Variants in NUDCD1 observed in about 807,000 individuals in gnomAD.
NUDCD1 encodes the protein NudC domain containing 1, also known as nudC domain-containing protein 1.
NUDCD1 carries 60 observed loss-of-function variants against 67.8 expected under a neutral mutation model. The ratio of observed to expected loss-of-function variants is 0.88; its 90% CI spans 0.72 to 1.10. NUDCD1 has a LOEUF of 1.10. Ranked by LOEUF, NUDCD1 falls within the 50% of genes least tolerant of loss-of-function variation. NUDCD1 has a pLI of 0.00. For synonymous variants in NUDCD1, 244 were observed against 230.8 expected, an observed-to-expected ratio of 1.06 and a Z score of -0.52; for missense variants, 643 against 695.0, an observed-to-expected ratio of 0.93 and a Z score of 0.84.
chr8:109,289,953 GAACAA>G lies in NUDCD1; in HGVS notation c.641-25_641-21del. The G allele has an allele frequency of 8.7e-7, 1 of 1,143,872 alleles. No individual in the cohort carries two copies. Among genetic ancestry groups the G allele is most frequent in the Non-Finnish European group, 1.2e-6 (1 of 817,298 alleles). 70.9% of individuals were successfully genotyped at this position (1,143,872 alleles called of 1,614,324 possible). Reference sequence around the variant, plus strand: ...TATTATCTGTAAGAAAAGTATTTCAGAACAAAACATTACAAATAAAAACTATTATC... The same window carrying G: ...TATTATCTGTAAGAAAAGTATTTCAGAACATTACAAATAAAAACTATTATC... On this transcript the variant is annotated intron_variant, in intron 4 of 9. Transcript: ENST00000239690.
chr8:109,246,410 T>C (rs974415933), intron 8 of NUDCD1, among the ~76,000 whole-genome samples: 1 of 152,214 alleles, frequency 6.6e-6, no homozygotes, highest in Admixed American at 6.5e-5. Flanking sequence ...TAACTTGTTC[T>C]AGGCTAAAGA....
At chr8:109,298,868 C>T (rs1256058802) in intron 2 of NUDCD1, 3 of 152,184 alleles carry the variant, frequency 2.0e-5, no homozygotes, top group East Asian at 1.9e-4. Context: ...GCCGAGAGAA[C>T]CCGCAGACCC....
chr8:109,272,757 G>T (rs1814186110), intron 7 of NUDCD1, among the ~76,000 whole-genome samples: 2 of 152,116 alleles, frequency 1.3e-5, no homozygotes, highest in South Asian at 4.1e-4. Context: ...TACTCAACAT[G>T]TGTCCATGTC....
intron 5 of NUDCD1, among the ~76,000 whole-genome samples, chr8:109,281,427 C>A (rs771172529): frequency 2.0e-4 from 31 of 152,042 alleles, no homozygotes; most frequent in Non-Finnish European, 4.0e-4. Context: ...TGATAGCAAT[C>A]CTTTATCCTC....
intron 1 of NUDCD1, among the ~76,000 whole-genome samples, chr8:109,323,262 T>C (rs1218131540): frequency 1.3e-5 from 2 of 152,346 alleles, no homozygotes; most frequent in East Asian, 3.9e-4. Context: ...TACTGTATTC[T>C]GATGGCAACT....
intron 2 of NUDCD1, among the ~76,000 whole-genome samples, chr8:109,317,762 T>C (rs1815435023): frequency 1.3e-5 from 2 of 152,224 alleles, no homozygotes; most frequent in South Asian, 4.1e-4. Flanking sequence ...CATATGCCAG[T>C]AATATCTCTT....
chr8:109,300,689 G>A (rs1251345581), intron 2 of NUDCD1, among the ~76,000 whole-genome samples: 4 of 152,130 alleles, frequency 2.6e-5, no homozygotes, highest in African/African-American at 7.2e-5. Context: ...GGGAATAATC[G>A]AGGTAAACTT....
chr8:109,290,912 C>T (rs1488291310), intron 4 of NUDCD1, among the ~76,000 whole-genome samples: 3 of 152,122 alleles, frequency 2.0e-5, no homozygotes, highest in Non-Finnish European at 2.9e-5. Context: ...TACATTCACA[C>T]ATTCAGTTCA....
intron 8 of NUDCD1, among the ~76,000 whole-genome samples, chr8:109,268,051 A>T (rs186852309): frequency 2.0e-5 from 3 of 152,306 alleles, no homozygotes; most frequent in Non-Finnish European, 2.9e-5. Flanking sequence ...TGTCTTAATA[A>T]ATCTGTAAAA....
At chr8:109,328,875 A>G (rs938296150) in intron 1 of NUDCD1, among the ~76,000 whole-genome samples, 2 of 152,248 alleles carry the variant, frequency 1.3e-5, no homozygotes, top group African/African-American at 4.8e-5. Context: ...CCACATATGC[A>G]AAGAGGAAAG....
At chr8:109,275,113 TAA>T (rs57043966) in intron 7 of NUDCD1, among the ~76,000 whole-genome samples, 3,901 of 152,158 alleles carry the variant, frequency 0.026, 168 homozygotes, top group African/African-American at 0.09. Context: ...TACGCACACA[TAA>T]ACAGATACAG....
chr8:109,306,902 CT>C (rs775530157), intron 2 of NUDCD1, among the ~76,000 whole-genome samples: 1 of 152,154 alleles, frequency 6.6e-6, no homozygotes, highest in Non-Finnish European at 1.5e-5. Flanking sequence ...CATGCTGCCC[CT>C]AATCCCTCTC....
In NUDCD1 at chr8:109,266,544, ATTTG is replaced by A. The variant is rs771785362; in HGVS notation, c.1299+4457_1299+4460del. Among the ~76,000 whole-genome samples, 7 of 151,908 alleles carry A rather than the reference ATTTG, an allele frequency of 4.6e-5. No individual in the cohort carries two copies. The East Asian group carries it at 7.8e-4, about 17-fold the overall frequency. On this transcript the variant is annotated intron_variant, in intron 8 of 9. Coordinates refer to ENST00000239690, the MANE Select transcript of NUDCD1 (RefSeq NM_032869.4). ...CAGGTGTGAGCCACCTCGCCCGGCT[ATTTG>A]TAATATTTTATGTTTTATGTATTTC...
At chr8:109,326,687 C>T (rs1264245394) in intron 1 of NUDCD1, among the ~76,000 whole-genome samples, 1 of 152,092 alleles carries the variant, frequency 6.6e-6, no homozygotes, top group Non-Finnish European at 1.5e-5. Context: ...GAAGAGTCTC[C>T]CTTAACATTT....
chr8:109,314,411 T>C (rs933053695), intron 2 of NUDCD1, among the ~76,000 whole-genome samples: 14 of 152,184 alleles, frequency 9.2e-5, no homozygotes, highest in Non-Finnish European at 1.5e-5. Flanking sequence ...AAGTTAAAAT[T>C]ATTAACTACA....
At chr8:109,329,605 A>G (rs1245516582) in intron 1 of NUDCD1, among the ~76,000 whole-genome samples, 4 of 152,216 alleles carry the variant, frequency 2.6e-5, no homozygotes, top group Non-Finnish European at 4.4e-5. Flanking sequence ...ATGCAGAAGG[A>G]GCAGAGAGAT....
intron 5 of NUDCD1, among the ~76,000 whole-genome samples, chr8:109,289,064 C>T (rs951974616): frequency 2.6e-5 from 4 of 152,018 alleles, no homozygotes; most frequent in Admixed American, 2.0e-4. Flanking sequence ...CAACCTCTGC[C>T]TCCTGGGTTC....
intron 8 of NUDCD1, among the ~76,000 whole-genome samples, chr8:109,251,906 C>A (rs1813631155): frequency 6.6e-6 from 1 of 152,024 alleles, no homozygotes; most frequent in African/African-American, 2.4e-5. Context: ...CTGTAAATAT[C>A]CCCCTAAGCT....
At chr8:109,256,760 T>G (rs990418696) in intron 8 of NUDCD1, among the ~76,000 whole-genome samples, 15 of 151,898 alleles carry the variant, frequency 9.9e-5, no homozygotes, top group Non-Finnish European at 2.1e-4. Flanking sequence ...CTTAATGTGA[T>G]GCACTGCAAG....
Sources: allele counts gnomAD v4.1 joint callset (sites outside exome capture counted in the v4.1 genomes callset), GRCh38; gene constraint gnomAD v4.1.1; transcripts MANE v1.5; gene names NCBI Gene and HGNC (gene_info 2026-07-23, HGNC 2026-07-21).